FAT1: variants seen among roughly 807,000 people sequenced by gnomAD.
The protein encoded by FAT1 is FAT atypical cadherin 1.
FAT1 carries 171 observed loss-of-function variants against 329.8 expected under a neutral mutation model. The ratio of observed to expected loss-of-function variants is 0.52; its 90% CI spans 0.46 to 0.59. The LOEUF (loss-of-function observed/expected upper bound fraction) is 0.59. FAT1 is among the 20% of genes least tolerant of loss of function. The pLI is 0.00. For synonymous variants in FAT1, 2,233 were observed against 2,228.6 expected (o/e 1.00, Z -0.06); for missense variants, 5,672 against 5,774.4 (o/e 0.98, Z 0.57).
chr4:186,619,743 AG>A lies in FAT1; in HGVS notation c.6842del (p.Pro2281LeufsTer10), dbSNP rs1483558608. 6.2e-7 allele frequency: 1 copy of A among 1,614,048 alleles called. No homozygotes were observed. Among genetic ancestry groups the A allele is most frequent in the Admixed American group, 1.7e-5 (1 of 60,032 alleles). On this transcript the variant is annotated frameshift_variant, in exon 10 of 27. Transcript: ENST00000441802. LOFTEE classifies it high-confidence loss of function. ...CCGCATAAGACTGCTGAGCAAACACAGGAGGGTTATCATTGATGTCGTCTAC... is the reference window on the plus strand; with the variant it reads ...CCGCATAAGACTGCTGAGCAAACACAGAGGGTTATCATTGATGTCGTCTAC... ...IIVDDINDNP[P>X]VFAQQSYAVT...
chr4:186,723,942 C>G (rs889539929), upstream of FAT1: 2 of 151,186 alleles, frequency 1.3e-5, no homozygotes, highest in African/African-American at 4.8e-5. Flanking sequence ...AGCCCACTTT[C>G]CCCGGCTGCC....
chr4:186,629,095 T>C (rs1249490068), intron 7 of FAT1, among the ~76,000 whole-genome samples: 2 of 152,214 alleles, frequency 1.3e-5, no homozygotes, highest in Non-Finnish European at 2.9e-5. Context: ...AGGTCACTCA[T>C]GTACGGATAA....
intron 26 of FAT1, among the ~76,000 whole-genome samples, chr4:186,594,707 A>AGTATATATATATATATATATATATAC: frequency 7.1e-6 from 1 of 140,092 alleles, no homozygotes; most frequent in Non-Finnish European, 1.5e-5. Context: ...TATACTTGAA[A>AGTATATATATATATATATATATATAC]TCAGAAATGA....
At chr4:186,680,989 T>C (rs1442670580) in intron 2 of FAT1, among the ~76,000 whole-genome samples, 1 of 152,186 alleles carries the variant, frequency 6.6e-6, no homozygotes, top group Non-Finnish European at 1.5e-5. Context: ...GCTTAAAAAA[T>C]AATCGGCCTT....
intron 4 of FAT1, among the ~76,000 whole-genome samples, chr4:186,639,157 C>T (rs968157009): frequency 7.2e-5 from 11 of 152,170 alleles, no homozygotes; most frequent in Non-Finnish European, 1.5e-4. Context: ...TTAGAACTTT[C>T]TAGAAGAGCA....
chr4:186,724,544 C>G (rs566773060), upstream of FAT1, among the ~76,000 whole-genome samples: 24 of 152,338 alleles, frequency 1.6e-4, no homozygotes, highest in East Asian at 3.5e-3. The surrounding 1 kb of genome is among the most constrained non-coding windows in gnomAD (Gnocchi z 5.3). Flanking sequence ...GCTTCCTAGC[C>G]CGGGAGTCGG....
At chr4:186,653,604 G>C (rs1190722814) in intron 3 of FAT1, among the ~76,000 whole-genome samples, 1 of 152,198 alleles carries the variant, frequency 6.6e-6, no homozygotes, top group Non-Finnish European at 1.5e-5. Flanking sequence ...ACAGTAGCTT[G>C]TTTTTGTGTG....
At chr4:186,628,052 G>T in intron 9 of FAT1, 102 bp downstream of exon 9, 2 of 1,249,694 alleles carry the variant, frequency 1.6e-6, no homozygotes, top group Non-Finnish European at 2.2e-6. Flanking sequence ...CATTTTTGCA[G>T]ATACATAGAA....
In FAT1 at chr4:186,708,672, C is replaced by A. The variant is rs750145449; in HGVS notation, c.1156G>T (p.Val386Leu). The part of the protein sequence containing the change: ...ISEFAPPNTP[V>L]VMVKAIPAYS... ...GCAGGAATGGCCTTTACCATGACCA[C>A]AGGTGTGTTGGGAGGAGCAAATTCA... The change falls in exon 2 of 27, where the codon GTG becomes TTG. Residue 386 changes from valine (V) to leucine (L), a missense_variant. Coordinates refer to ENST00000441802, the MANE Select transcript of FAT1 (RefSeq NM_005245.4). 2 of 1,613,882 alleles carry A rather than the reference C, an allele frequency of 1.2e-6. No individual in the cohort carries two copies. The highest frequency in any genetic ancestry group is 3.3e-5 in the Admixed American group (2 of 60,012).
At chr4:186,590,183 T>C (rs1189288896) in intron 26 of FAT1, among the ~76,000 whole-genome samples, 1 of 151,242 alleles carries the variant, frequency 6.6e-6, no homozygotes, top group African/African-American at 2.4e-5. Flanking sequence ...ATTTAAAAAA[T>C]CCTTGGAGAG....
Position 186,636,202 on chromosome 4 carries a change from AC to A in FAT1, c.4005del (p.Lys1335AsnfsTer33). On this transcript the variant is annotated frameshift_variant, in exon 6 of 27. Coordinates refer to ENST00000441802, the MANE Select transcript of FAT1 (RefSeq NM_005245.4). LOFTEE classifies it high-confidence loss of function. ...IKAVDNGRPQ[K>X]SSTTRLHIEW... ...TCAATATGGAGTCTGGTGGTTGATG[AC>A]TTTTGAGGGCGACCATTGTCAACTG... 1 of 1,614,014 alleles carries A rather than the reference AC, an allele frequency of 6.2e-7. No individual in the cohort carries two copies. Among genetic ancestry groups the A allele is most frequent in the Admixed American group, 1.7e-5 (1 of 60,032 alleles).
intron 2 of FAT1, among the ~76,000 whole-genome samples, chr4:186,669,885 CAAT>C (rs1246792605): frequency 1.3e-5 from 2 of 152,208 alleles, no homozygotes; most frequent in Admixed American, 6.5e-5. Context: ...TCACAGTTTC[CAAT>C]AATAACTCCT....
chr4:186,638,923 C>A (rs1018899819), intron 4 of FAT1, among the ~76,000 whole-genome samples: 2 of 151,750 alleles, frequency 1.3e-5, no homozygotes, highest in Admixed American at 6.6e-5. Context: ...CCCCTCTCTG[C>A]GGTCTGCCTG....
Position 186,620,493 on chromosome 4 carries a change from A to G in FAT1, c.6093T>C (p.Val2031=), listed in dbSNP as rs1444013256. The change falls in exon 10 of 27, where the codon GTT becomes GTC. Residue 2031 remains valine, a synonymous_variant. Transcript: ENST00000441802. ...CGAAGGGCGTGCCAGTGGTTGACAG[A>G]ACTCCTGAAGTGCGGCTTATTTTAA... is the stretch of plus-strand genomic sequence containing the variant. ...RRFKISRTSG[V]LSTTGTPFDR... is the part of the protein sequence containing the mutation. The G allele has an allele frequency of 6.2e-7, 1 of 1,614,032 alleles. No homozygotes were observed. The highest frequency in any genetic ancestry group is 1.1e-5 in the South Asian group (1 of 91,080).
chr4:186,658,845 G>A (rs962516356), intron 3 of FAT1, among the ~76,000 whole-genome samples: 24 of 151,664 alleles, frequency 1.6e-4, no homozygotes, highest in African/African-American at 5.6e-4. Flanking sequence ...CCCCTGCCAC[G>A]CCTCCACCGG....
intron 1 of FAT1, among the ~76,000 whole-genome samples, chr4:186,714,658 G>A (rs1259869610): frequency 1.3e-5 from 2 of 152,220 alleles, no homozygotes; most frequent in Non-Finnish European, 2.9e-5. Flanking sequence ...CCTGACAGGG[G>A]AGATGTCGGC....
At chr4:186,646,965 T>C (rs10013218) in intron 3 of FAT1, among the ~76,000 whole-genome samples, 52,433 of 152,004 alleles carry the variant, frequency 0.34, 9,446 homozygotes, top group Middle Eastern at 0.43. Flanking sequence ...TTGCTTCTTT[T>C]TCCTAAGCAC....
At chr4:186,703,966 T>C (rs1579477702) in intron 2 of FAT1, among the ~76,000 whole-genome samples, 1 of 152,374 alleles carries the variant, frequency 6.6e-6, no homozygotes, top group Admixed American at 6.5e-5. Flanking sequence ...CTGCCAGGAA[T>C]CTCTGAAGAA....
chr4:186,679,760 G>A (rs1193299061), intron 2 of FAT1, among the ~76,000 whole-genome samples: 1 of 152,174 alleles, frequency 6.6e-6, no homozygotes, highest in African/African-American at 2.4e-5. Context: ...ATGACTTTGT[G>A]CTAAACTCTT....
Sources: gnomAD v4.1 joint callset for allele counts (sites outside exome capture counted in the v4.1 genomes callset) on GRCh38, gnomAD v4.1.1 for gene constraint, Gnocchi (gnomAD v3.1) non-coding constraint, MANE v1.5 for transcripts, NCBI Gene and HGNC (gene_info 2026-07-23, HGNC 2026-07-21) for gene names.